SFMBT2: variants seen among roughly 807,000 people sequenced by gnomAD.
The protein encoded by SFMBT2 is scm-like with four MBT domains protein 2.
A neutral mutation model predicts 110.1 loss-of-function variants in SFMBT2; 38 were observed. That is an observed-to-expected ratio of 0.35 (90% CI 0.27 to 0.45). SFMBT2 has a LOEUF of 0.45. SFMBT2 is among the 20% of genes least tolerant of loss of function. The pLI, the probability that SFMBT2 is intolerant of heterozygous loss-of-function variation, is 1.00. For synonymous variants in SFMBT2, 425 were observed against 425.4 expected (o/e 1.00, Z 0.01); for missense variants, 1,011 against 1,094.9 (o/e 0.92, Z 1.08).
chr10:7,229,349 G>A (rs1249568088), intron 9 of SFMBT2, among the ~76,000 whole-genome samples: 1 of 152,116 alleles, frequency 6.6e-6, no homozygotes, highest in Non-Finnish European at 1.5e-5. Flanking sequence ...GGGAGGCCGA[G>A]GCGGGTGGAT....
rs145787424 is a variant in SFMBT2, at chr10:7,402,027, G to A, written c.-52+8834C>T. Among the ~76,000 whole-genome samples, 675 of 151,816 alleles carry A rather than the reference G, an allele frequency of 4.4e-3. 1 individual carries two copies. The highest frequency in any genetic ancestry group is 7.1e-3 in the Non-Finnish European group (481 of 67,990). On this transcript the variant is annotated intron_variant, in intron 1 of 20. Transcript: ENST00000397167. The stretch of plus-strand genomic sequence containing the variant: ...TATATCCAGTGACAGATATAATGCA[G>A]ACAGGAGACGGAGAGCTCTTGCATT...
rs112978692 is a variant in SFMBT2 at position 7,195,212 on chromosome 10, A to G, written c.1698+2336T>C. On this transcript the variant is annotated intron_variant, in intron 15 of 20. Coordinates refer to ENST00000397167, the MANE Select transcript of SFMBT2 (RefSeq NM_001387889.1). Reference sequence around the variant, plus strand: ...AGGGTCCTATTTCCGATGGTGGCAGAAATTCTTATGTGTAATCCTGGCTTG... The same window carrying G: ...AGGGTCCTATTTCCGATGGTGGCAGGAATTCTTATGTGTAATCCTGGCTTG... 2.8e-3 allele frequency among the ~76,000 whole-genome samples: 424 copies of G among 152,330 alleles called. 2 individuals are homozygous for G. Among genetic ancestry groups the G allele is most frequent in the African/African-American group, 9.7e-3 (403 of 41,574 alleles).
intron 20 of SFMBT2, chr10:7,164,536 G>T: frequency 1.3e-6 from 1 of 744,346 alleles, no homozygotes; most frequent in Non-Finnish European, 1.6e-6. Flanking sequence ...ATCGCCCCTT[G>T]CTGGGAGGGC....
At chr10:7,351,710 G>A (rs867565292) in intron 4 of SFMBT2, among the ~76,000 whole-genome samples, 1 of 152,046 alleles carries the variant, frequency 6.6e-6, no homozygotes, top group African/African-American at 2.4e-5. Context: ...GCAACTCTTC[G>A]ACAGTATTCT....
At chr10:7,290,250 G>A (rs1351081981) in intron 4 of SFMBT2, among the ~76,000 whole-genome samples, 18 of 145,260 alleles carry the variant, frequency 1.2e-4, no homozygotes, top group Admixed American at 2.7e-4. Context: ...CTCCTAGAAA[G>A]TCATAAGAAA....
chr10:7,240,379 T>G (rs946559551), intron 9 of SFMBT2, among the ~76,000 whole-genome samples: 2 of 152,206 alleles, frequency 1.3e-5, no homozygotes, highest in East Asian at 1.9e-4. Context: ...CAGATCTCAT[T>G]AGAAGGATCT....
At chr10:7,372,085 C>T (rs1055451266) in intron 2 of SFMBT2, among the ~76,000 whole-genome samples, 4 of 151,942 alleles carry the variant, frequency 2.6e-5, no homozygotes, top group African/African-American at 7.3e-5. Context: ...CACCACCACG[C>T]CCAGCTAATT....
In SFMBT2 at chr10:7,171,958, C is replaced by T. The variant is rs1248802300; in HGVS notation, c.2352G>A (p.Ala784=). 6.1e-6 allele frequency: 9 copies of T among 1,479,804 alleles called. No individual in the cohort carries two copies. Among genetic ancestry groups the T allele is most frequent in the African/African-American group, 1.4e-5 (1 of 70,278 alleles). The allele number at this position is 1,479,804 out of a possible 1,614,324, so 91.7% of individuals were successfully genotyped here. Residue 784 remains alanine, a synonymous_variant, in exon 19 of 21, where the codon GCG becomes GCA. Coordinates refer to ENST00000397167, the MANE Select transcript of SFMBT2 (RefSeq NM_001387889.1). The surrounding 1 kb of genome is among the most constrained non-coding windows in gnomAD (Gnocchi z 4.9). Reference sequence around the variant, plus strand: ...CTTCCTCTGCTGAGGAGGCAGCCGGCGCCCCGCGGCCCCTTCGTGTCCTCT... The same window carrying T: ...CTTCCTCTGCTGAGGAGGCAGCCGGTGCCCCGCGGCCCCTTCGTGTCCTCT... ...PPERTRRGRG[A]PAASSAEEGE...
chr10:7,376,836 T>C (rs1462107278), intron 2 of SFMBT2, among the ~76,000 whole-genome samples: 1 of 115,584 alleles, frequency 8.7e-6, no homozygotes, highest in Non-Finnish European at 1.7e-5. Flanking sequence ...CCTCATAGCA[T>C]CTCGGGGTGG....
chr10:7,219,090 G>A (rs1457989586), intron 11 of SFMBT2, among the ~76,000 whole-genome samples: 1 of 152,160 alleles, frequency 6.6e-6, no homozygotes, highest in Non-Finnish European at 1.5e-5. Context: ...ATCTTGTTAA[G>A]ATGGCTCAGC....
chr10:7,185,337 C>G (rs1038306353), intron 16 of SFMBT2, among the ~76,000 whole-genome samples: 1 of 152,184 alleles, frequency 6.6e-6, no homozygotes, highest in African/African-American at 2.4e-5. Context: ...AATGAACAAA[C>G]AAAACCTTTT....
intron 4 of SFMBT2, among the ~76,000 whole-genome samples, chr10:7,344,506 T>C (rs780365352): frequency 1.6e-4 from 25 of 152,178 alleles, no homozygotes; most frequent in Non-Finnish European, 2.6e-4. Context: ...TCCCCAGCTA[T>C]GTGGAATTGT....
At chr10:7,260,199 T>C (rs1841150110) in intron 7 of SFMBT2, among the ~76,000 whole-genome samples, 2 of 152,138 alleles carry the variant, frequency 1.3e-5, no homozygotes, top group Non-Finnish European at 2.9e-5. Flanking sequence ...TCACCTGAAA[T>C]GGTACTGGTC....
intron 7 of SFMBT2, among the ~76,000 whole-genome samples, chr10:7,252,526 TA>T (rs2131743607): frequency 6.6e-6 from 1 of 152,324 alleles, no homozygotes; most frequent in Admixed American, 6.5e-5. Context: ...CGTCCATCAT[TA>T]AACTTCCCAT....
intron 4 of SFMBT2, among the ~76,000 whole-genome samples, chr10:7,294,671 T>C (rs2131866281): frequency 6.6e-6 from 1 of 152,336 alleles, no homozygotes; most frequent in East Asian, 1.9e-4. Flanking sequence ...ATTGTTACTC[T>C]AAAATTAATT....
intron 3 of SFMBT2, chr10:7,368,431 T>C (rs916403108): frequency 6.7e-6 from 6 of 891,962 alleles, no homozygotes; most frequent in Non-Finnish European, 8.1e-6. Context: ...GGTCTTAACA[T>C]TGCAAAGCTG....
intron 7 of SFMBT2, among the ~76,000 whole-genome samples, chr10:7,269,715 C>CGTGTGTGT (rs35063251): frequency 1.0e-4 from 4 of 38,466 alleles, no homozygotes; most frequent in Non-Finnish European, 3.3e-4. Context: ...TAAGTGTGTG[C>CGTGTGTGT]GTGTGTGTGT....
intron 4 of SFMBT2, among the ~76,000 whole-genome samples, chr10:7,342,705 G>A (rs1316293145): frequency 6.6e-6 from 1 of 152,124 alleles, no homozygotes; most frequent in Non-Finnish European, 1.5e-5. Flanking sequence ...CCTGGAGTGA[G>A]TCTTTCAATC....
rs141668676 is a variant in SFMBT2, at chr10:7,336,814, A to G, written c.436+30835T>C. Among the ~76,000 whole-genome samples the G allele has an allele frequency of 5.8e-3, 889 of 152,324 alleles. 6 individuals carry two copies. Among genetic ancestry groups the G allele is most frequent in the African/African-American group, 0.02 (811 of 41,564 alleles). On this transcript the variant is annotated intron_variant, in intron 4 of 20. Coordinates refer to ENST00000397167, the MANE Select transcript of SFMBT2 (RefSeq NM_001387889.1). Reference sequence around the variant, plus strand: ...GGCCACTGAGTTTCACACTAAGAGAACTGCTGGAGACCAGAACATGCAATT... The same window carrying G: ...GGCCACTGAGTTTCACACTAAGAGAGCTGCTGGAGACCAGAACATGCAATT...
Sources: allele counts gnomAD v4.1 joint callset (sites outside exome capture counted in the v4.1 genomes callset), GRCh38; gene constraint gnomAD v4.1.1; non-coding constraint Gnocchi (gnomAD v3.1); transcripts MANE v1.5; gene names NCBI Gene and HGNC (gene_info 2026-07-23, HGNC 2026-07-21).